Variants in RTN1 observed in about 807,000 individuals in gnomAD.
The protein encoded by RTN1 is reticulon-1.
Under a neutral mutation model 65.5 loss-of-function variants are expected in RTN1, and 25 were observed. That is an observed-to-expected ratio of 0.38 (90% CI 0.28 to 0.53). The LOEUF (loss-of-function observed/expected upper bound fraction) is 0.53. Among genes scored for constraint, RTN1 ranks in the 20% least tolerant of loss-of-function variants. RTN1 has a pLI of 0.79. For missense variants in RTN1, 983 were observed against 1,025.4 expected, an observed-to-expected ratio of 0.96 and a Z score of 0.57; for synonymous variants, 471 against 447.6, an observed-to-expected ratio of 1.05 and a Z score of -0.66.
chr14:59,714,381 C>T (rs1380826703), intron 3 of RTN1, among the ~76,000 whole-genome samples: 1 of 152,080 alleles, frequency 6.6e-6, no homozygotes, highest in African/African-American at 2.4e-5. Context: ...TAAATAACCC[C>T]AACATTTCAG....
At chr14:59,765,280 T>G (rs773024245) in intron 1 of RTN1, among the ~76,000 whole-genome samples, 6 of 152,152 alleles carry the variant, frequency 3.9e-5, no homozygotes, top group Admixed American at 1.3e-4. Flanking sequence ...CTGGAAAAGA[T>G]GAGTTCAAAC....
At chr14:59,788,028 C>T (rs1886283857) in intron 1 of RTN1, among the ~76,000 whole-genome samples, 1 of 152,092 alleles carries the variant, frequency 6.6e-6, no homozygotes, top group South Asian at 2.1e-4. Context: ...TCTTTGAGCT[C>T]TTCACATTTA....
rs1372091137 is a variant in RTN1, at chr14:59,870,430, G to T, written c.201C>A (p.Pro67=). The T allele has an allele frequency of 1.3e-6, 2 of 1,520,722 alleles. No individual in the cohort carries two copies. The highest frequency in any genetic ancestry group is 1.7e-6 in the Non-Finnish European group (2 of 1,146,094). 94.2% of individuals were successfully genotyped at this position (1,520,722 alleles called of 1,614,324 possible). Residue 67 remains proline, a synonymous_variant, in exon 1 of 9, where the codon CCC becomes CCA. Transcript: ENST00000267484. This position sits in a 1 kb window ranked among gnomAD's most constrained non-coding sequence, Gnocchi z 5.1. ...CCATGGCAACGGGCGACTGCCGGGC[G>T]GGGCCCGAGCCGGCTTCCCGCGACG... ...EAASREAGSG[P]ARQSPVAMET...
intron 2 of RTN1, among the ~76,000 whole-genome samples, chr14:59,728,848 C>T (rs928773296): frequency 2.0e-5 from 3 of 152,138 alleles, no homozygotes; most frequent in African/African-American, 7.2e-5. Flanking sequence ...TTTCTACACA[C>T]TTGGGATATA....
intron 1 of RTN1, among the ~76,000 whole-genome samples, chr14:59,749,388 A>ATATC (rs1885344125): frequency 6.4e-5 from 3 of 47,112 alleles, no homozygotes; most frequent in African/African-American, 3.1e-4. Flanking sequence ...CTATATCTAT[A>ATATC]TATATCTATA....
At chr14:59,729,285 G>A (rs182393475) in intron 2 of RTN1, among the ~76,000 whole-genome samples, 4 of 152,262 alleles carry the variant, frequency 2.6e-5, no homozygotes, top group South Asian at 4.1e-4. Flanking sequence ...CAAGGAGTTG[G>A]GGCAGATCAT....
intron 1 of RTN1, among the ~76,000 whole-genome samples, chr14:59,757,117 T>C (rs1417176687): frequency 2.6e-5 from 4 of 152,236 alleles, no homozygotes; most frequent in Non-Finnish European, 5.9e-5. Context: ...GTGGTCTGAA[T>C]GTCTGTGTTC....
chr14:59,647,035 A>G (rs1882913121), intron 3 of RTN1: 1 of 153,464 alleles, frequency 6.5e-6, no homozygotes, highest in Non-Finnish European at 1.5e-5. Flanking sequence ...AGCAAGGCCC[A>G]ATGGTATGCT....
intron 1 of RTN1, among the ~76,000 whole-genome samples, chr14:59,847,936 C>T (rs1887437864): frequency 6.6e-6 from 1 of 152,178 alleles, no homozygotes; most frequent in Admixed American, 6.5e-5. Context: ...ACAAATCCCA[C>T]GTGAAGACTT....
chr14:59,848,239 A>G (rs1241977551), intron 1 of RTN1, among the ~76,000 whole-genome samples: 1 of 152,242 alleles, frequency 6.6e-6, no homozygotes, highest in African/African-American at 2.4e-5. Context: ...AGGGCAGAGC[A>G]TGCAGGTGAA....
intron 1 of RTN1, among the ~76,000 whole-genome samples, chr14:59,833,352 G>A (rs568359009): frequency 5.3e-5 from 8 of 152,058 alleles, no homozygotes; most frequent in East Asian, 1.9e-4. Context: ...TCCTATGGGC[G>A]ATATAAGTCT....
chr14:59,695,345 G>T (rs1884041317), intron 3 of RTN1, among the ~76,000 whole-genome samples: 1 of 152,158 alleles, frequency 6.6e-6, no homozygotes, highest in South Asian at 2.1e-4. Flanking sequence ...CTGGCTTTGG[G>T]CTTGGCTATG....
chr14:59,842,491 G>A (rs1172122468), intron 1 of RTN1, among the ~76,000 whole-genome samples: 2 of 151,908 alleles, frequency 1.3e-5, no homozygotes, highest in African/African-American at 2.4e-5. Flanking sequence ...TTTCCCCAAA[G>A]ATGGACATAG....
chr14:59,732,635 T>C (rs1173737108), intron 2 of RTN1, among the ~76,000 whole-genome samples: 1 of 152,170 alleles, frequency 6.6e-6, no homozygotes, highest in African/African-American at 2.4e-5. Context: ...ACCAGGGCCT[T>C]GGATCTGACA....
At chr14:59,753,989 C>T (rs1018802957) in intron 1 of RTN1, among the ~76,000 whole-genome samples, 1 of 152,166 alleles carries the variant, frequency 6.6e-6, no homozygotes, top group Non-Finnish European at 1.5e-5. Context: ...TACAGATGCC[C>T]TCTTGGGAGG....
chr14:59,785,142 T>C (rs1886229270), intron 1 of RTN1, among the ~76,000 whole-genome samples: 1 of 152,180 alleles, frequency 6.6e-6, no homozygotes, highest in Admixed American at 6.5e-5. Flanking sequence ...CAACTGTAAA[T>C]ATCCTGGCTT....
At chr14:59,852,705 C>T (rs1197143979) in intron 1 of RTN1, among the ~76,000 whole-genome samples, 2 of 152,172 alleles carry the variant, frequency 1.3e-5, no homozygotes, top group East Asian at 3.8e-4. Context: ...TCCAAATCCT[C>T]TCTCTTTCTC....
chr14:59,649,158 A>G (rs1353489130), intron 3 of RTN1, among the ~76,000 whole-genome samples: 1 of 152,232 alleles, frequency 6.6e-6, no homozygotes, highest in Non-Finnish European at 1.5e-5. Context: ...GCAATGGGGA[A>G]AGGATGCCCT....
rs1229293208 is a variant in RTN1, at chr14:59,790,649, G to A, written c.242-44168C>T. Among the ~76,000 whole-genome samples, 1 of 152,088 alleles carries A rather than the reference G, an allele frequency of 6.6e-6. No individual in the cohort carries two copies. The highest frequency in any genetic ancestry group is 1.5e-5 in the Non-Finnish European group (1 of 67,998). On this transcript the variant is annotated intron_variant, in intron 1 of 8. Coordinates refer to ENST00000267484, the MANE Select transcript of RTN1 (RefSeq NM_021136.3). This position sits in a 1 kb window ranked among gnomAD's most constrained non-coding sequence, Gnocchi z 4.1. ...GAAGTTTCTGTATCAAATTTTCCTA[G>A]CACAAAGTTTACTCTTTTGATGTGT...
Sources: allele counts gnomAD v4.1 joint callset (sites outside exome capture counted in the v4.1 genomes callset), GRCh38; gene constraint gnomAD v4.1.1; non-coding constraint Gnocchi (gnomAD v3.1); transcripts MANE v1.5; gene names NCBI Gene and HGNC (gene_info 2026-07-23, HGNC 2026-07-21).